Variants in MCTP2 observed in about 807,000 individuals in gnomAD.
The protein encoded by MCTP2 is multiple C2 and transmembrane domain containing 2.
In MCTP2, 132 loss-of-function variants were observed where a neutral mutation model predicts 111.6. The ratio of observed to expected loss-of-function variants is 1.18; its 90% CI spans 1.03 to 1.37. The LOEUF (loss-of-function observed/expected upper bound fraction) is 1.37, where lower values mean the gene tolerates loss of function less well. Among genes scored for constraint, MCTP2 ranks in the 40% most tolerant of loss-of-function variants. The pLI is 0.00. For missense variants in MCTP2, 1,183 were observed against 1,067.9 expected (o/e 1.11, Z -1.50); for synonymous variants, 395 against 387.7 (o/e 1.02, Z -0.22).
Position 94,402,490 on chromosome 15 carries a change from G to A in MCTP2, c.2085+471G>A, listed in dbSNP as rs7178698. 2.6e-6 allele frequency: 4 copies of A among 1,551,486 alleles called. No individual in the cohort carries two copies. The East Asian group carries it at 7.3e-5, about 28-fold the overall frequency. On this transcript the variant is annotated intron_variant, in intron 17 of 22. Transcript: ENST00000357742. ...ACACATTGCAATTTCATTCAGCACC[G>A]CAAAGAGGAACCACCCCTGTCTATG...
intron 17 of MCTP2, among the ~76,000 whole-genome samples, chr15:94,422,095 G>A (rs923513367): frequency 6.6e-6 from 1 of 152,172 alleles, no homozygotes; most frequent in African/African-American, 2.4e-5. Context: ...GTCACATGTT[G>A]TGGGCAACAT....
At chr15:94,314,233 G>T (rs765872869) in intron 2 of MCTP2, 49 bp from the exon 3 acceptor site, 2 of 1,286,670 alleles carry the variant, frequency 1.6e-6, no homozygotes, top group Non-Finnish European at 2.2e-6. Context: ...TCCTGAGTTG[G>T]TATTAATTTG....
chr15:94,338,356 C>T (rs575634803), intron 4 of MCTP2, among the ~76,000 whole-genome samples: 2 of 152,274 alleles, frequency 1.3e-5, no homozygotes. Flanking sequence ...ATTGATTGCT[C>T]ATTCATTTGT....
chr15:94,450,257 TGAGA>T (rs983577818), intron 19 of MCTP2, among the ~76,000 whole-genome samples: 8 of 152,216 alleles, frequency 5.3e-5, no homozygotes, highest in African/African-American at 1.7e-4. Flanking sequence ...AAGAACTACT[TGAGA>T]AAGAAGTACA....
chr15:94,431,068 C>T (rs1284917278), intron 17 of MCTP2, among the ~76,000 whole-genome samples: 1 of 152,166 alleles, frequency 6.6e-6, no homozygotes, highest in African/African-American at 2.4e-5. Context: ...CATATACAAT[C>T]TAAGCTACAT....
rs554528141 is a variant in MCTP2, at chr15:94,439,031, A to G, written c.2086-1145A>G. On this transcript the variant is annotated intron_variant, in intron 17 of 22. Transcript: ENST00000357742. ...CTTAGAAGCCTCGCAGGAATGAAAT[A>G]AACTATTTGATACAATAAAGAATAT... 2.6e-5 allele frequency among the ~76,000 whole-genome samples: 4 copies of G among 152,324 alleles called. No homozygotes were observed. The East Asian group carries it at 7.7e-4, about 29-fold the overall frequency.
In MCTP2 at chr15:94,372,677, G is replaced by A. The variant is rs138714612; in HGVS notation, c.1582+2497G>A. ...AGTGCCAGGAACATTTAAGAAATAA[G>A]TATTTCTACTCTATGCCTTCCATTT... On this transcript the variant is annotated intron_variant, in intron 12 of 22. Transcript: ENST00000357742. 8.5e-5 allele frequency among the ~76,000 whole-genome samples: 13 copies of A among 152,144 alleles called. No individual in the cohort carries two copies. In the East Asian group the frequency reaches 2.5e-3, roughly 29 times the overall value.
chr15:94,259,783 T>G lies in MCTP2; in HGVS notation c.-66+28119T>G, dbSNP rs142046901. On this transcript the variant is annotated intron_variant, in intron 1 of 22. Transcript: ENST00000357742. ...TGATCATTTGGTGAAGGATACTGCT[T>G]TTTGATGGACATGATCGCTTGTAAA... 5.4e-3 allele frequency among the ~76,000 whole-genome samples: 823 copies of G among 152,332 alleles called. 8 individuals are homozygous for G. Among genetic ancestry groups the G allele is most frequent in the African/African-American group, 0.019 (801 of 41,576 alleles).
At chr15:94,472,908 T>G (rs2074046728) in intron 21 of MCTP2, among the ~76,000 whole-genome samples, 1 of 152,238 alleles carries the variant, frequency 6.6e-6, no homozygotes, top group African/African-American at 2.4e-5. Context: ...TGCAGCAATT[T>G]TTTTCTCACA....
chr15:94,336,220 C>T (rs1372148546), intron 4 of MCTP2, among the ~76,000 whole-genome samples: 1 of 152,144 alleles, frequency 6.6e-6, no homozygotes, highest in East Asian at 1.9e-4. Flanking sequence ...GAGCACATGC[C>T]TCCTACTGGA....
rs1256271910 is a variant in MCTP2 at position 94,243,014 on chromosome 15, T to C, written c.-66+11350T>C. On this transcript the variant is annotated intron_variant, in intron 1 of 22. Coordinates refer to ENST00000357742, the MANE Select transcript of MCTP2 (RefSeq NM_001385001.1). ...GTATATGTGTATCTACACATACACG[T>C]GTATATGTGTATCTACACATACACG... Among the ~76,000 whole-genome samples, 7 of 87,348 alleles carry C rather than the reference T, an allele frequency of 8.0e-5. 1 individual carries two copies. Among genetic ancestry groups the C allele is most frequent in the Non-Finnish European group, 1.8e-4 (7 of 38,874 alleles). 57.3% of individuals were successfully genotyped at this position (87,348 alleles called of 152,430 possible).
intron 1 of MCTP2, among the ~76,000 whole-genome samples, chr15:94,279,596 G>A: frequency 6.6e-6 from 1 of 151,986 alleles, no homozygotes; most frequent in Non-Finnish European, 1.5e-5. Flanking sequence ...CTATTTGGAT[G>A]CCTTTTATTT....
At chr15:94,402,317 G>A (rs968865084) in intron 17 of MCTP2, 11 of 985,024 alleles carry the variant, frequency 1.1e-5, no homozygotes, top group South Asian at 4.7e-5. Flanking sequence ...GCCAGTGACC[G>A]CCCATAATTT....
At chr15:94,458,348 C>G (rs964550041) in intron 20 of MCTP2, 102 bp downstream of exon 20, 2 of 719,770 alleles carry the variant, frequency 2.8e-6, no homozygotes, top group Non-Finnish European at 5.0e-6. Context: ...CAAGAAAATA[C>G]AAAAACACAC....
intron 17 of MCTP2, among the ~76,000 whole-genome samples, chr15:94,430,226 C>G (rs901113295): frequency 6.6e-6 from 1 of 152,104 alleles, no homozygotes; most frequent in Non-Finnish European, 1.5e-5. Context: ...CTAGCAACTC[C>G]CTTAGAATAA....
At chr15:94,269,980 C>T (rs1417844877) in intron 1 of MCTP2, among the ~76,000 whole-genome samples, 9 of 152,024 alleles carry the variant, frequency 5.9e-5, no homozygotes, top group Non-Finnish European at 8.8e-5. Flanking sequence ...TGTCCCTTTT[C>T]TCCAAGCAGA....
intron 7 of MCTP2, chr15:94,342,145 AG>A (rs2077678413): frequency 6.6e-6 from 1 of 152,182 alleles, no homozygotes; most frequent in South Asian, 2.1e-4. Context: ...GGGCTTGTAA[AG>A]GTAGTTGATT....
At chr15:94,452,336 A>ATGAT (rs561925484) in intron 19 of MCTP2, among the ~76,000 whole-genome samples, 21 of 152,342 alleles carry the variant, frequency 1.4e-4, no homozygotes, top group Non-Finnish European at 5.9e-5. Context: ...GATGATTAAA[A>ATGAT]TGATAGAGGT....
rs1379760672 is a variant in MCTP2 at position 94,479,711 on chromosome 15, A to G, written c.*677A>G. 1.3e-5 allele frequency: 2 copies of G among 151,630 alleles called. No homozygotes were observed. The highest frequency in any genetic ancestry group is 2.9e-5 in the Non-Finnish European group (2 of 67,858). 9.4% of individuals were successfully genotyped at this position (151,630 alleles called of 1,614,324 possible). ...TGGCCCAGGAAGGTCCCTAGAGATC[A>G]CTCACTTGAAAAATGAGGGTCCCAT... On this transcript the variant is annotated 3_prime_UTR_variant, in exon 23 of 23. Coordinates refer to ENST00000357742, the MANE Select transcript of MCTP2 (RefSeq NM_001385001.1).
Sources: gnomAD v4.1 joint callset for allele counts (sites outside exome capture counted in the v4.1 genomes callset) on GRCh38, gnomAD v4.1.1 for gene constraint, MANE v1.5 for transcripts, NCBI Gene and HGNC (gene_info 2026-07-23, HGNC 2026-07-21) for gene names.